Variants in VPS13B observed in about 807,000 individuals in gnomAD.
The protein encoded by VPS13B is intermembrane lipid transfer protein VPS13B.
A neutral mutation model predicts 426.4 loss-of-function variants in VPS13B; 285 were observed. The observed-to-expected ratio is 0.67, with a 90% CI of 0.61 to 0.74. The LOEUF is 0.74. Among genes scored for constraint, VPS13B ranks in the 30% least tolerant of loss-of-function variants. The pLI is 0.00. For synonymous variants in VPS13B, 1,676 were observed against 1,676.4 expected (o/e 1.00, Z 0.01); for missense variants, 4,537 against 4,782.6 (o/e 0.95, Z 1.51).
intron 36 of VPS13B, among the ~76,000 whole-genome samples, chr8:99,710,284 C>T (rs973778692): frequency 6.6e-6 from 1 of 152,144 alleles, no homozygotes; most frequent in Non-Finnish European, 1.5e-5. Context: ...AAGAAGGTAG[C>T]TCTTTATAAT....
intron 39 of VPS13B, among the ~76,000 whole-genome samples, chr8:99,741,409 G>C (rs1277082012): frequency 1.3e-5 from 2 of 152,192 alleles, no homozygotes; most frequent in Non-Finnish European, 2.9e-5. Flanking sequence ...ACATTAGACA[G>C]ATCAACCAGA....
chr8:99,391,855 A>G, intron 21 of VPS13B, 151 bp downstream of exon 21: 1 of 1,133,944 alleles, frequency 8.8e-7, no homozygotes, highest in Non-Finnish European at 1.3e-6. Context: ...AGCAATAATC[A>G]CAGTATTAGC....
intron 17 of VPS13B, chr8:99,233,098 T>G (rs1315479845): frequency 7.3e-7 from 1 of 1,377,846 alleles, no homozygotes; most frequent in African/African-American, 1.4e-5. Context: ...CTACTCCTGC[T>G]GCTTCACCTC....
chr8:99,166,956 C>A (rs1812041306), intron 15 of VPS13B, among the ~76,000 whole-genome samples: 1 of 152,096 alleles, frequency 6.6e-6, no homozygotes, highest in Non-Finnish European at 1.5e-5. Flanking sequence ...GAGAATCAGC[C>A]ATTCCTTTTT....
At chr8:99,580,984 AACACAC>A (rs34074519) in intron 33 of VPS13B, among the ~76,000 whole-genome samples, 7,024 of 126,644 alleles carry the variant, frequency 0.055, 192 homozygotes, top group African/African-American at 0.076. Context: ...ATCTCTACAA[AACACAC>A]ACACACACAC....
intron 2 of VPS13B, among the ~76,000 whole-genome samples, chr8:99,033,411 A>G (rs1842608585): frequency 6.6e-6 from 1 of 152,128 alleles, no homozygotes; most frequent in Non-Finnish European, 1.5e-5. Context: ...CTGCAGTTTG[A>G]CTATGATATA....
chr8:99,485,661 T>C (rs1325099746), intron 25 of VPS13B, among the ~76,000 whole-genome samples: 2 of 152,186 alleles, frequency 1.3e-5, no homozygotes, highest in African/African-American at 4.8e-5. Flanking sequence ...TGTATACAGA[T>C]AGTTATGTTG....
At chr8:99,584,182 C>A (rs1023452420) in intron 33 of VPS13B, among the ~76,000 whole-genome samples, 4 of 152,070 alleles carry the variant, frequency 2.6e-5, no homozygotes, top group Non-Finnish European at 4.4e-5. Flanking sequence ...TACTGCCTAT[C>A]TTCTCCAAGG....
At chr8:99,340,669 A>G in intron 19 of VPS13B, 2 of 406,316 alleles carry the variant, frequency 4.9e-6, no homozygotes, top group South Asian at 4.1e-5. Context: ...GAGGCTGAGG[A>G]ATAGTTGAAG....
At chr8:99,339,184 TTTAATA>T (rs1487813768) in intron 19 of VPS13B, among the ~76,000 whole-genome samples, 2 of 152,220 alleles carry the variant, frequency 1.3e-5, no homozygotes, top group Non-Finnish European at 2.9e-5. Flanking sequence ...TGAACATTTA[TTTAATA>T]TTAAGTTTGG....
intron 22 of VPS13B, among the ~76,000 whole-genome samples, chr8:99,437,490 G>C (rs1817444920): frequency 6.6e-6 from 1 of 151,858 alleles, no homozygotes; most frequent in Non-Finnish European, 1.5e-5. Flanking sequence ...GTCCTCGGCA[G>C]GCAGACGACT....
At chr8:99,572,599 C>T (rs531054518) in intron 31 of VPS13B, among the ~76,000 whole-genome samples, 76 of 152,276 alleles carry the variant, frequency 5.0e-4, no homozygotes, top group Non-Finnish European at 9.0e-4. Flanking sequence ...TGATGGTTTC[C>T]AGCTTCATCC....
intron 37 of VPS13B, among the ~76,000 whole-genome samples, chr8:99,718,825 C>T (rs1833021563): frequency 6.6e-6 from 1 of 151,852 alleles, no homozygotes; most frequent in Non-Finnish European, 1.5e-5. Flanking sequence ...CACCACTATG[C>T]TTGACTATTT....
At chr8:99,495,189 A>G (rs1820820843) in intron 25 of VPS13B, among the ~76,000 whole-genome samples, 1 of 152,170 alleles carries the variant, frequency 6.6e-6, no homozygotes, top group African/African-American at 2.4e-5. Flanking sequence ...CATAATATAG[A>G]TGTTGAATAA....
chr8:99,573,779 G>T (rs1368690797), intron 31 of VPS13B, among the ~76,000 whole-genome samples: 1 of 152,114 alleles, frequency 6.6e-6, no homozygotes, highest in African/African-American at 2.4e-5. Flanking sequence ...TCTTGGCAAT[G>T]AGGGCTCTTT....
At chr8:99,281,723 G>T (rs574778439) in intron 19 of VPS13B, among the ~76,000 whole-genome samples, 1 of 152,192 alleles carries the variant, frequency 6.6e-6, no homozygotes. Context: ...CTGTGGTAGC[G>T]TATGATCTTA....
chr8:99,689,550 G>C (rs973242961), intron 35 of VPS13B, among the ~76,000 whole-genome samples: 3 of 152,160 alleles, frequency 2.0e-5, no homozygotes, highest in Non-Finnish European at 2.9e-5. Flanking sequence ...TGGCACAGTG[G>C]TGCACACCTG....
chr8:99,064,520 C>T (rs1043243831), intron 3 of VPS13B, among the ~76,000 whole-genome samples: 3 of 151,652 alleles, frequency 2.0e-5, no homozygotes, highest in Non-Finnish European at 4.4e-5. Flanking sequence ...GATTGAAGAT[C>T]GAATTAATGA....
At chr8:99,595,823 A>G (rs1408743485) in intron 33 of VPS13B, among the ~76,000 whole-genome samples, 1 of 151,968 alleles carries the variant, frequency 6.6e-6, no homozygotes, top group Non-Finnish European at 1.5e-5. Flanking sequence ...AAAAATGCAA[A>G]TAACCCAATT....
Sources: allele counts gnomAD v4.1 joint callset (sites outside exome capture counted in the v4.1 genomes callset), GRCh38; gene constraint gnomAD v4.1.1; transcripts MANE v1.5; gene names NCBI Gene and HGNC (gene_info 2026-07-23, HGNC 2026-07-21).